STS: variants seen among roughly 807,000 people sequenced by gnomAD.
The protein encoded by STS is steryl-sulfatase.
A neutral mutation model predicts 26.8 loss-of-function variants in STS; 7 were observed. That is an observed-to-expected ratio of 0.26 (90% CI 0.15 to 0.49). The LOEUF is 0.49. Ranked by LOEUF, STS falls within the 20% of genes least tolerant of loss-of-function variation. STS has a pLI of 0.98. For synonymous variants in STS, 199 were observed against 189.4 expected (o/e 1.05, Z -0.42); for missense variants, 434 against 465.6 (o/e 0.93, Z 0.63).
At position 7,253,207 on chromosome X, in the gene STS, T is replaced by A. The variant is rs1188289400; in HGVS notation, c.8T>A (p.Ile3Asn). 2.5e-6 allele frequency: 3 copies of A among 1,209,134 alleles called. No individual in the cohort carries two copies. Among genetic ancestry groups the A allele is most frequent in the Admixed American group, 2.2e-5 (1 of 45,632 alleles). The change falls in exon 3 of 11, where the codon ATC becomes AAC. Residue 3 changes from isoleucine to asparagine, a missense_variant. Around this residue, in one of 2 missense-constraint regions of STS, gnomAD observed 229 missense variants for 288.3 expected, o/e 0.79. Transcript: ENST00000674429. Reference protein sequence around the residue: MKIPFLLLFFLWE... With the variant: MKNPFLLLFFLWE... ...CTTGTCCTTTACAGGAAGATGAAGA[T>A]CCCTTTCCTCCTACTGTTCTTTCTG...
At chrX:7,281,971 C>T (rs1489742321) in intron 7 of STS, among the ~76,000 whole-genome samples, 3 of 112,007 alleles carry the variant, frequency 2.7e-5, no homozygotes, top group Non-Finnish European at 3.8e-5. Flanking sequence ...GAAAACTTCC[C>T]CTTCACCCTC....
chrX:7,334,708 T>C (rs1483736387), intron 10 of STS, among the ~76,000 whole-genome samples: 1 of 112,697 alleles, frequency 8.9e-6, no homozygotes, highest in East Asian at 2.8e-4. Flanking sequence ...AGCCTAAAGA[T>C]GATGGATCGT....
chrX:7,156,959 C>A (rs1601618639), intron 1 of STS, among the ~76,000 whole-genome samples: 1 of 111,501 alleles, frequency 9.0e-6, no homozygotes, highest in African/African-American at 3.3e-5. Context: ...TTTGAGAGCA[C>A]TTTTGGTGTT....
chrX:7,180,892 A>G (rs779320828), intron 1 of STS, among the ~76,000 whole-genome samples: 42 of 112,375 alleles, frequency 3.7e-4, no homozygotes, highest in Non-Finnish European at 7.3e-4. Context: ...CTGTCCTCAT[A>G]AGTCAGACAC....
chrX:7,340,906 C>T (rs1174354074), intron 10 of STS, among the ~76,000 whole-genome samples: 2 of 111,677 alleles, frequency 1.8e-5, no homozygotes, highest in Admixed American at 1.9e-4. Flanking sequence ...TACTACTTCC[C>T]AAGGAAGATA....
At chrX:7,287,296 A>T (rs188083170) in intron 7 of STS, among the ~76,000 whole-genome samples, 1 of 111,801 alleles carries the variant, frequency 8.9e-6, no homozygotes, top group East Asian at 2.8e-4. Context: ...TGTTTTCCAC[A>T]CTTTGTATAA....
chrX:7,230,819 C>G (rs889377770), intron 2 of STS, among the ~76,000 whole-genome samples: 1 of 111,786 alleles, frequency 8.9e-6, no homozygotes, highest in African/African-American at 3.3e-5. Context: ...GATTATAATT[C>G]AAGATGAGAT....
chrX:7,339,422 T>C (rs1482832988), intron 10 of STS, among the ~76,000 whole-genome samples: 1 of 112,738 alleles, frequency 8.9e-6, no homozygotes, highest in Non-Finnish European at 1.9e-5. Flanking sequence ...AAAGCACATA[T>C]ATGTAAACCA....
At chrX:7,294,475 C>T (rs1354485874) in intron 7 of STS, among the ~76,000 whole-genome samples, 2 of 111,186 alleles carry the variant, frequency 1.8e-5, no homozygotes, top group African/African-American at 3.3e-5. Context: ...CATCTGAATA[C>T]TATCAATAAT....
rs1555959584 is a variant in STS, at chrX:7,279,292, A to ATATATAT, written c.943+3205_943+3206insTATATAT. Among the ~76,000 whole-genome samples, 181 of 62,735 alleles carry ATATATAT rather than the reference A, an allele frequency of 2.9e-3. 4 individuals are homozygous for ATATATAT. The highest frequency in any genetic ancestry group is 0.01 in the African/African-American group (162 of 16,051). 54.5% of individuals were successfully genotyped at this position (62,735 alleles called of 115,157 possible). ...GTACTCCAGGAAGAAAAAAAAAAAA[A>ATATATAT]ATATATATATATATATATATGTGTG... On this transcript the variant is annotated intron_variant, in intron 7 of 10. Transcript: ENST00000674429.
chrX:7,324,184 A>G (rs1273092166), intron 8 of STS, among the ~76,000 whole-genome samples: 3 of 110,226 alleles, frequency 2.7e-5, no homozygotes, highest in African/African-American at 9.9e-5. Flanking sequence ...GGGGGTGAGG[A>G]GGCTTCAGGT....
intron 2 of STS, among the ~76,000 whole-genome samples, chrX:7,239,391 C>A (rs757285688): frequency 1.8e-5 from 2 of 112,161 alleles, no homozygotes; most frequent in African/African-American, 6.5e-5. Context: ...GCAAGTTTTT[C>A]TCTGTTTTTA....
chrX:7,318,413 T>C (rs1396766347), intron 8 of STS, among the ~76,000 whole-genome samples: 1 of 111,546 alleles, frequency 9.0e-6, no homozygotes, highest in Non-Finnish European at 1.9e-5. Context: ...CATCAACACA[T>C]GCCTGCAAAT....
intron 2 of STS, among the ~76,000 whole-genome samples, chrX:7,245,506 C>G (rs1179727577): frequency 2.0e-4 from 23 of 112,253 alleles, no homozygotes; most frequent in African/African-American, 7.5e-4. Context: ...GAACAATCAT[C>G]TGATCTCAGA....
At chrX:7,344,821 C>T (rs762006458) in intron 10 of STS, among the ~76,000 whole-genome samples, 6 of 111,342 alleles carry the variant, frequency 5.4e-5, no homozygotes, top group African/African-American at 1.6e-4. Context: ...GTCTATCATG[C>T]GCGCAGTGTC....
chrX:7,288,825 A>G (rs1393604235), intron 7 of STS, among the ~76,000 whole-genome samples: 1 of 111,303 alleles, frequency 9.0e-6, no homozygotes, highest in Non-Finnish European at 1.9e-5. Flanking sequence ...TTCAGGTGGT[A>G]GGAATCCAGT....
Position 7,238,121 on chromosome X carries a change from GGTGTGTGTGT to G in STS, c.-4-15044_-4-15035del, listed in dbSNP as rs55819541. On this transcript the variant is annotated intron_variant, in intron 2 of 10. Coordinates refer to ENST00000674429, the MANE Select transcript of STS (RefSeq NM_001320752.2). ...TTTTTATGGCTGAGTAGTATTCCATGGTGTGTGTGTGTGTGTGTGTGTGTGTGTGTGTGTG... is the reference window on the plus strand; with the variant it reads ...TTTTTATGGCTGAGTAGTATTCCATGGTGTGTGTGTGTGTGTGTGTGTGTG... 2.0e-3 allele frequency among the ~76,000 whole-genome samples: 181 copies of G among 88,509 alleles called. 1 individual carries two copies. Among genetic ancestry groups the G allele is most frequent in the Admixed American group, 6.9e-3 (54 of 7,825 alleles). 76.9% of individuals were successfully genotyped at this position (88,509 alleles called of 115,157 possible). A position where few individuals can be genotyped will look rare whatever the true frequency, so the allele number is the denominator to read the frequency against.
intron 7 of STS, among the ~76,000 whole-genome samples, chrX:7,297,415 T>C (rs747249948): frequency 9.0e-6 from 1 of 111,469 alleles, no homozygotes; most frequent in Non-Finnish European, 1.9e-5. Flanking sequence ...GTACAAGGTC[T>C]TGTGTGTTAG....
intron 8 of STS, among the ~76,000 whole-genome samples, chrX:7,308,861 T>C (rs1178756471): frequency 8.9e-6 from 1 of 111,752 alleles, no homozygotes; most frequent in African/African-American, 3.3e-5. Flanking sequence ...GATATCTTGT[T>C]CTCTAGAGCT....
Sources: gnomAD v4.1 joint callset for allele counts (sites outside exome capture counted in the v4.1 genomes callset) on GRCh38, gnomAD v4.1.1 for gene constraint, gnomAD v4.1.1 regional missense constraint, MANE v1.5 for transcripts, NCBI Gene and HGNC (gene_info 2026-07-23, HGNC 2026-07-21) for gene names.